MB21D2: variants seen among roughly 807,000 people sequenced by gnomAD.
MB21D2 encodes nucleotidyltransferase MB21D2.
Under a neutral mutation model 33.3 loss-of-function variants are expected in MB21D2, and 9 were observed. The observed-to-expected ratio is 0.27, with a 90% CI of 0.16 to 0.47. The LOEUF is 0.47. Ranked by LOEUF, MB21D2 falls within the 20% of genes least tolerant of loss-of-function variation. The pLI is 0.99. For missense variants in MB21D2, 540 were observed against 624.6 expected, an observed-to-expected ratio of 0.86 and a Z score of 1.44; for synonymous variants, 241 against 236.3, an observed-to-expected ratio of 1.02 and a Z score of -0.18.
Position 192,816,836 on chromosome 3 carries a change from G to T in MB21D2, c.212-17186C>A, listed in dbSNP as rs1001069801. Among the ~76,000 whole-genome samples the T allele has an allele frequency of 3.3e-5, 5 of 151,872 alleles. No homozygotes were observed. In the South Asian group the frequency reaches 1.0e-3, roughly 32 times the overall value. On this transcript the variant is annotated intron_variant, in intron 1 of 1. Transcript: ENST00000392452. ...TGATTTATTAGCTGTGTGGCATCTG[G>T]ATAAGTTACTTGACTTTCTGAAACT...
intron 1 of MB21D2, among the ~76,000 whole-genome samples, chr3:192,884,110 T>G (rs950703965): frequency 1.3e-5 from 2 of 152,026 alleles, no homozygotes; most frequent in African/African-American, 4.8e-5. Context: ...TGGGCGTATA[T>G]CAGATGGGAC....
rs747554734 is a variant in MB21D2 at position 192,910,298 on chromosome 3, CAAAAAAA to C, written c.211+7325_211+7331del. The stretch of plus-strand genomic sequence containing the variant: ...CTGGGCAACAAGACCACCATCTCTA[CAAAAAAA>C]AAAAAAAAAAAAAAATTTAAAAATT... On this transcript the variant is annotated intron_variant, in intron 1 of 1. Transcript: ENST00000392452. Among the ~76,000 whole-genome samples, 476 of 52,300 alleles carry C rather than the reference CAAAAAAA, an allele frequency of 9.1e-3. 1 individual carries two copies. The highest frequency in any genetic ancestry group is 0.02 in the African/African-American group (391 of 20,022). 34.3% of individuals were successfully genotyped at this position (52,300 alleles called of 152,430 possible). A position where few individuals can be genotyped will look rare whatever the true frequency, so the allele number is the denominator to read the frequency against.
Position 192,864,693 on chromosome 3 carries a change from G to C in MB21D2, c.211+52937C>G, listed in dbSNP as rs1320980873. Among the ~76,000 whole-genome samples, 3 of 152,278 alleles carry C rather than the reference G, an allele frequency of 2.0e-5. No homozygotes were observed. In the East Asian group the frequency reaches 5.8e-4, roughly 29 times the overall value. Reference sequence around the variant, plus strand: ...GGTTAATTTTTGTACTTTTAGTAGAGATGGTGTTTCGCCATGTTGGCCAGG... The same window carrying C: ...GGTTAATTTTTGTACTTTTAGTAGACATGGTGTTTCGCCATGTTGGCCAGG... On this transcript the variant is annotated intron_variant, in intron 1 of 1. Coordinates refer to ENST00000392452, the MANE Select transcript of MB21D2 (RefSeq NM_178496.4).
At chr3:192,866,415 A>G (rs1713169474) in intron 1 of MB21D2, among the ~76,000 whole-genome samples, 1 of 152,184 alleles carries the variant, frequency 6.6e-6, no homozygotes, top group Non-Finnish European at 1.5e-5. Flanking sequence ...TCTTTCTCTG[A>G]GAGGGGAACT....
intron 1 of MB21D2, among the ~76,000 whole-genome samples, chr3:192,917,198 G>T (rs1429254871): frequency 6.6e-6 from 1 of 152,156 alleles, no homozygotes; most frequent in Non-Finnish European, 1.5e-5. Flanking sequence ...TCCCAAGCTC[G>T]GGAGAGCACC....
intron 1 of MB21D2, among the ~76,000 whole-genome samples, chr3:192,873,791 C>T (rs1197041875): frequency 6.6e-6 from 1 of 152,146 alleles, no homozygotes; most frequent in Non-Finnish European, 1.5e-5. Flanking sequence ...TAACCTCTGC[C>T]TCTCGGGTTC....
chr3:192,885,860 A>G (rs937757382), intron 1 of MB21D2, among the ~76,000 whole-genome samples: 2 of 152,180 alleles, frequency 1.3e-5, no homozygotes, highest in African/African-American at 4.8e-5. Flanking sequence ...AGTGATGAAC[A>G]GAAAGCGTAT....
chr3:192,874,168 T>C (rs552761552), intron 1 of MB21D2, among the ~76,000 whole-genome samples: 2 of 152,282 alleles, frequency 1.3e-5, no homozygotes, highest in East Asian at 1.9e-4. Flanking sequence ...TTTCTCTCCA[T>C]AGACCTGGGT....
intron 1 of MB21D2, among the ~76,000 whole-genome samples, chr3:192,890,866 G>A (rs1225445114): frequency 6.6e-6 from 1 of 152,040 alleles, no homozygotes; most frequent in East Asian, 1.9e-4. Context: ...GGTCCACGCA[G>A]AGACATGGGG....
At chr3:192,893,063 T>C (rs1461425370) in intron 1 of MB21D2, among the ~76,000 whole-genome samples, 2 of 152,148 alleles carry the variant, frequency 1.3e-5, no homozygotes, top group East Asian at 1.9e-4. Context: ...CCTTGGTGCC[T>C]TCCAAGACGC....
chr3:192,865,074 C>A (rs1713141788), intron 1 of MB21D2, among the ~76,000 whole-genome samples: 1 of 152,170 alleles, frequency 6.6e-6, no homozygotes, highest in South Asian at 2.1e-4. Context: ...AAGGGAGAGG[C>A]TGAAATGAAA....
rs917011255 is a variant in MB21D2, at chr3:192,797,544, A to C, written c.*842T>G. ...TTCACTGATAGAAATGGGCAAAATGAAAAAATGATAGAATTTCGAGAGTGG... is the reference window on the plus strand; with the variant it reads ...TTCACTGATAGAAATGGGCAAAATGCAAAAATGATAGAATTTCGAGAGTGG... On this transcript the variant is annotated 3_prime_UTR_variant, in exon 2 of 2. Transcript: ENST00000392452. The C allele has an allele frequency of 6.6e-6, 1 of 152,660 alleles. No individual in the cohort carries two copies. Among genetic ancestry groups the C allele is most frequent in the African/African-American group, 2.4e-5 (1 of 41,462 alleles). 9.5% of individuals were successfully genotyped at this position (152,660 alleles called of 1,614,324 possible).
At chr3:192,834,212 G>A (rs763535377) in intron 1 of MB21D2, among the ~76,000 whole-genome samples, 10 of 151,846 alleles carry the variant, frequency 6.6e-5, no homozygotes, top group Non-Finnish European at 1.3e-4. Context: ...AGCTACTCAG[G>A]AGGCTGATGT....
At chr3:192,824,813 C>A (rs1199590878) in intron 1 of MB21D2, among the ~76,000 whole-genome samples, 2 of 152,162 alleles carry the variant, frequency 1.3e-5, no homozygotes, top group Non-Finnish European at 2.9e-5. Flanking sequence ...CATGTTCCTA[C>A]GTCAAGCAAA....
At chr3:192,856,328 T>C (rs1712915006) in intron 1 of MB21D2, among the ~76,000 whole-genome samples, 1 of 152,162 alleles carries the variant, frequency 6.6e-6, no homozygotes, top group Non-Finnish European at 1.5e-5. Context: ...CTTTGCAACC[T>C]TGAGCAGATC....
intron 1 of MB21D2, among the ~76,000 whole-genome samples, chr3:192,830,676 T>C (rs960008832): frequency 3.3e-5 from 5 of 152,144 alleles, no homozygotes; most frequent in Non-Finnish European, 4.4e-5. Context: ...ACCCTAGAGA[T>C]AGTGCTATTG....
rs1393817405 is a variant in MB21D2 at position 192,798,861 on chromosome 3, C to T, written c.1001G>A (p.Ser334Asn). The T allele has an allele frequency of 1.9e-6, 3 of 1,612,886 alleles. No individual in the cohort carries two copies. The highest frequency in any genetic ancestry group is 1.3e-5 in the African/African-American group (1 of 74,922). ...PKAISPYHLR[S>N]MMLWACDRLP... is the part of the protein sequence containing the mutation. ...TCTGTCGCAGGCCCAGAGCATCATG[C>T]TCCGCAGGTGATAGGGGCTAATAGC... The change falls in exon 2 of 2, where the codon AGC (serine) becomes AAC (asparagine). Residue 334 changes from serine to asparagine, a missense_variant. By Grantham distance (46) the Ser-to-Asn change is conservative. Coordinates refer to ENST00000392452, the MANE Select transcript of MB21D2 (RefSeq NM_178496.4). The surrounding 1 kb of genome is among the most constrained non-coding windows in gnomAD (Gnocchi z 4.8).
chr3:192,841,742 T>C (rs1246605361), intron 1 of MB21D2, among the ~76,000 whole-genome samples: 19 of 152,176 alleles, frequency 1.2e-4, no homozygotes, highest in Admixed American at 1.2e-3. Context: ...CAGTGTGGAG[T>C]AATCTGTTAC....
intron 1 of MB21D2, among the ~76,000 whole-genome samples, chr3:192,867,687 ATC>A (rs1422164180): frequency 2.0e-5 from 3 of 152,192 alleles, no homozygotes; most frequent in Non-Finnish European, 4.4e-5. Flanking sequence ...ACACTCTCCC[ATC>A]AAGAGGCTGG....
Sources: gnomAD v4.1 joint callset for allele counts (sites outside exome capture counted in the v4.1 genomes callset) on GRCh38, gnomAD v4.1.1 for gene constraint, Gnocchi (gnomAD v3.1) non-coding constraint, MANE v1.5 for transcripts, NCBI Gene and HGNC (gene_info 2026-07-23, HGNC 2026-07-21) for gene names.